VWA8: variants seen among roughly 807,000 people sequenced by gnomAD.
VWA8 encodes the protein von Willebrand factor A domain containing 8.
VWA8 carries 221 observed loss-of-function variants against 241.5 expected under a neutral mutation model. That is an observed-to-expected ratio of 0.91 (90% CI 0.82 to 1.02). VWA8 has a LOEUF of 1.02. VWA8 is among the 50% of genes least tolerant of loss of function. The pLI is 0.00. For missense variants in VWA8, 2,322 were observed against 2,328.7 expected, an observed-to-expected ratio of 1.00 and a Z score of 0.06; for synonymous variants, 852 against 827.1, an observed-to-expected ratio of 1.03 and a Z score of -0.52.
chr13:41,580,155 C>T (rs757735531), intron 42 of VWA8, among the ~76,000 whole-genome samples: 2 of 152,114 alleles, frequency 1.3e-5, no homozygotes, highest in Non-Finnish European at 2.9e-5. Context: ...GTGCCCGGCC[C>T]AGTGTTTTTA....
chr13:41,666,500 T>G (rs750173490), intron 37 of VWA8, among the ~76,000 whole-genome samples: 1 of 152,164 alleles, frequency 6.6e-6, no homozygotes, highest in African/African-American at 2.4e-5. Flanking sequence ...AGTGGCATGA[T>G]AGAGCTAAAC....
intron 40 of VWA8, among the ~76,000 whole-genome samples, chr13:41,595,606 A>G (rs1415990103): frequency 6.6e-6 from 1 of 152,088 alleles, no homozygotes; most frequent in Non-Finnish European, 1.5e-5. Context: ...TAAATATGAA[A>G]TCATACAATA....
At chr13:41,830,767 ATGGAC>A in intron 13 of VWA8, 125 bp from the exon 14 acceptor site, 1 of 757,918 alleles carries the variant, frequency 1.3e-6, no homozygotes. Context: ...ATTTTGTTAG[ATGGAC>A]CTTTCAAAAT....
At chr13:41,840,876 T>C (rs1298617465) in intron 12 of VWA8, among the ~76,000 whole-genome samples, 6 of 152,152 alleles carry the variant, frequency 3.9e-5, no homozygotes, top group Admixed American at 2.0e-4. Flanking sequence ...CAGGTCATCC[T>C]ATAGAGAACA....
intron 37 of VWA8, among the ~76,000 whole-genome samples, chr13:41,618,105 G>A (rs2044633553): frequency 6.6e-6 from 1 of 152,182 alleles, no homozygotes; most frequent in South Asian, 2.1e-4. Context: ...CAGTGTAAAA[G>A]CGTTCCTATT....
intron 14 of VWA8, 125 bp from the exon 15 acceptor site, chr13:41,819,511 A>G (rs1870856244): frequency 3.4e-5 from 36 of 1,065,822 alleles, no homozygotes; most frequent in Non-Finnish European, 4.7e-5. Flanking sequence ...TTATCATCCA[A>G]AGGATTAGCT....
intron 12 of VWA8, among the ~76,000 whole-genome samples, chr13:41,853,989 T>C (rs1872632226): frequency 6.6e-6 from 1 of 152,184 alleles, no homozygotes; most frequent in African/African-American, 2.4e-5. Context: ...TATATTTTAA[T>C]ATCTCTGAAA....
Position 41,885,304 on chromosome 13 carries a change from C to T in VWA8, c.975+616G>A, listed in dbSNP as rs116055730. ...TTTGCCTGTGCTTTGACTTCCTGGG[C>T]CTTTTATCACTCCAGACATGACCGC... On this transcript the variant is annotated intron_variant, in intron 8 of 44. Transcript: ENST00000379310. Among the ~76,000 whole-genome samples, 554 of 152,322 alleles carry T rather than the reference C, an allele frequency of 3.6e-3. 2 individuals carry two copies. The highest frequency in any genetic ancestry group is 0.013 in the African/African-American group (524 of 41,564).
intron 2 of VWA8, among the ~76,000 whole-genome samples, chr13:41,935,897 A>T (rs761788370): frequency 2.2e-4 from 33 of 152,058 alleles, no homozygotes; most frequent in Non-Finnish European, 4.6e-4. Context: ...GCCACAGAAG[A>T]TTCCATAATG....
chr13:41,813,958 C>A, intron 16 of VWA8, among the ~76,000 whole-genome samples: 1 of 151,930 alleles, frequency 6.6e-6, no homozygotes, highest in East Asian at 1.9e-4. Context: ...GAGTACACCT[C>A]GAAGGGGTTG....
intron 43 of VWA8, among the ~76,000 whole-genome samples, chr13:41,571,061 A>T (rs2139630175): frequency 6.6e-6 from 1 of 152,328 alleles, no homozygotes; most frequent in East Asian, 1.9e-4. Flanking sequence ...ATAAGGAATG[A>T]GTTGAGTTTC....
At chr13:41,867,398 C>T (rs770798315) in intron 10 of VWA8, among the ~76,000 whole-genome samples, 7 of 152,158 alleles carry the variant, frequency 4.6e-5, no homozygotes, top group Non-Finnish European at 7.3e-5. Context: ...AACCATTCAT[C>T]TGAACAAAAC....
rs572529589 is a variant in VWA8, at chr13:41,610,457, C to A, written c.4877+1119G>T. On this transcript the variant is annotated intron_variant, in intron 39 of 44. Coordinates refer to ENST00000379310, the MANE Select transcript of VWA8 (RefSeq NM_015058.2). ...GCCAGCAGAAGGGCTGAGAGCAACA[C>A]TCTTGCCTCTAGCATCAAGTGTGTT... 3.2e-4 allele frequency among the ~76,000 whole-genome samples: 48 copies of A among 152,334 alleles called. No homozygotes were observed. In the South Asian group the frequency reaches 9.8e-3, roughly 31 times the overall value.
intron 41 of VWA8, 140 bp downstream of exon 41, chr13:41,590,500 T>C (rs75867685): frequency 2.1e-6 from 1 of 483,772 alleles, no homozygotes; most frequent in Non-Finnish European, 3.0e-6. Context: ...TTCTTCTTCT[T>C]TTTTTTTTTT....
At chr13:41,755,448 A>G (rs1475754501) in intron 21 of VWA8, among the ~76,000 whole-genome samples, 1 of 152,052 alleles carries the variant, frequency 6.6e-6, no homozygotes, top group Non-Finnish European at 1.5e-5. Flanking sequence ...TTATCAATCA[A>G]TAATATAGTA....
rs78072758 is a variant in VWA8 at position 41,659,231 on chromosome 13, C to T, written c.4611+11715G>A. ...CTCTCCAGTCAGAAGTATGTAAGAA[C>T]GTGGCTATGGGTAAGTTATGATACA... is the stretch of plus-strand genomic sequence containing the variant. On this transcript the variant is annotated intron_variant, in intron 37 of 44. Transcript: ENST00000379310. Among the ~76,000 whole-genome samples the T allele has an allele frequency of 9.5e-3, 1,453 of 152,232 alleles. 8 individuals carry two copies. The highest frequency in any genetic ancestry group is 0.016 in the Non-Finnish European group (1,113 of 68,016).
chr13:41,959,499 A>AC (rs1249199309), intron 1 of VWA8, among the ~76,000 whole-genome samples: 2 of 150,850 alleles, frequency 1.3e-5, no homozygotes, highest in African/African-American at 4.9e-5. Flanking sequence ...AAAGCAAAAA[A>AC]AAAAAAAAAA....
intron 2 of VWA8, among the ~76,000 whole-genome samples, chr13:41,912,596 T>G (rs372919277): frequency 5.6e-4 from 85 of 152,312 alleles, no homozygotes; most frequent in African/African-American, 2.0e-3. Flanking sequence ...AAAAGAGAGA[T>G]ATGATCAAAT....
At chr13:41,809,305 T>C (rs1870362551) in intron 17 of VWA8, among the ~76,000 whole-genome samples, 1 of 152,076 alleles carries the variant, frequency 6.6e-6, no homozygotes, top group Non-Finnish European at 1.5e-5. Flanking sequence ...GCCAAAGCCA[T>C]CTTGAGCAAA....
Sources: gnomAD v4.1 joint callset for allele counts (sites outside exome capture counted in the v4.1 genomes callset) on GRCh38, gnomAD v4.1.1 for gene constraint, MANE v1.5 for transcripts, NCBI Gene and HGNC (gene_info 2026-07-23, HGNC 2026-07-21) for gene names.